GALNT13: variants seen among roughly 807,000 people sequenced by gnomAD.
GALNT13 encodes UDP-GalNAc:polypeptide N-acetylgalactosaminyltransferase 13.
In GALNT13, 28 loss-of-function variants were observed where a neutral mutation model predicts 64.2. The ratio of observed to expected loss-of-function variants is 0.44; its 90% CI spans 0.32 to 0.60. The LOEUF (loss-of-function observed/expected upper bound fraction) is 0.60, where lower values mean the gene tolerates loss of function less well. Among genes scored for constraint, GALNT13 ranks in the 20% least tolerant of loss-of-function variants. The pLI, the probability that GALNT13 is intolerant of heterozygous loss-of-function variation, is 0.05. For synonymous variants in GALNT13, 214 were observed against 224.6 expected (o/e 0.95, Z 0.42); for missense variants, 577 against 669.8 (o/e 0.86, Z 1.53).
chr2:154,017,996 A>G (rs1411883119), intron 3 of GALNT13, among the ~76,000 whole-genome samples: 2 of 152,160 alleles, frequency 1.3e-5, no homozygotes, highest in Non-Finnish European at 2.9e-5. Flanking sequence ...TTATGCCTCC[A>G]AAAGTTTGTT....
At chr2:153,518,837 A>G in the GALNT13 span, among the ~76,000 whole-genome samples, 1 of 152,094 alleles carries the variant, frequency 6.6e-6, no homozygotes, top group Non-Finnish European at 1.5e-5. Context: ...TGGGTTTCAT[A>G]TGAATTGAGA....
chr2:153,591,566 CCAAAA>C, the GALNT13 span, among the ~76,000 whole-genome samples: 1 of 151,988 alleles, frequency 6.6e-6, no homozygotes, highest in Non-Finnish European at 1.5e-5. Flanking sequence ...GCTACAGTAA[CCAAAA>C]CAGCATGGTA....
intron 8 of GALNT13, among the ~76,000 whole-genome samples, chr2:154,263,186 C>T (rs1343325776): frequency 6.6e-6 from 1 of 152,162 alleles, no homozygotes; most frequent in Non-Finnish European, 1.5e-5. Flanking sequence ...GACTGGGATT[C>T]AGATAGCCTG....
chr2:154,401,799 G>C (rs1163303607), intron 10 of GALNT13, among the ~76,000 whole-genome samples: 1 of 152,028 alleles, frequency 6.6e-6, no homozygotes, highest in Non-Finnish European at 1.5e-5. Flanking sequence ...TTACTTTTGG[G>C]GGGAAGGGAT....
chr2:154,251,943 C>T (rs1056903676), intron 7 of GALNT13, among the ~76,000 whole-genome samples: 1 of 151,838 alleles, frequency 6.6e-6, no homozygotes, highest in Non-Finnish European at 1.5e-5. Flanking sequence ...AAAAATCAGA[C>T]GTGAAGATTT....
chr2:154,025,426 C>G (rs1253966816), intron 3 of GALNT13, among the ~76,000 whole-genome samples: 1 of 152,108 alleles, frequency 6.6e-6, no homozygotes, highest in Non-Finnish European at 1.5e-5. Flanking sequence ...TCTGTGCATG[C>G]CAGTACATAC....
At chr2:153,629,669 CT>C in the GALNT13 span, among the ~76,000 whole-genome samples, 51 of 152,078 alleles carry the variant, frequency 3.4e-4, no homozygotes, top group African/African-American at 1.1e-3. Flanking sequence ...AACTAAAGAG[CT>C]TCTGCACAGC....
At chr2:153,683,666 C>T in the GALNT13 span, among the ~76,000 whole-genome samples, 1 of 151,624 alleles carries the variant, frequency 6.6e-6, no homozygotes, top group Non-Finnish European at 1.5e-5. Context: ...TGCCCTTGGA[C>T]TTTTGATGCC....
chr2:153,814,644 C>G, the GALNT13 span, among the ~76,000 whole-genome samples: 1 of 152,054 alleles, frequency 6.6e-6, no homozygotes, highest in Non-Finnish European at 1.5e-5. Flanking sequence ...TTGGAAACAC[C>G]CTACCACATC....
intron 3 of GALNT13, among the ~76,000 whole-genome samples, chr2:154,063,949 T>C (rs1700326716): frequency 6.6e-6 from 1 of 152,176 alleles, no homozygotes; most frequent in Admixed American, 6.5e-5. Context: ...GTACCTGATA[T>C]TAACTTCATG....
chr2:154,381,524 T>C (rs781308505), intron 9 of GALNT13, among the ~76,000 whole-genome samples: 3 of 152,072 alleles, frequency 2.0e-5, no homozygotes, highest in South Asian at 2.1e-4. Flanking sequence ...GGAAAGAAAC[T>C]GTATAGAGGT....
the GALNT13 span, among the ~76,000 whole-genome samples, chr2:153,613,261 C>G: frequency 6.6e-6 from 1 of 152,080 alleles, no homozygotes; most frequent in Non-Finnish European, 1.5e-5. Flanking sequence ...GGCAAGAGAT[C>G]AAAGAGATTT....
At chr2:153,374,419 T>C in the GALNT13 span, among the ~76,000 whole-genome samples, 1 of 152,164 alleles carries the variant, frequency 6.6e-6, no homozygotes, top group East Asian at 1.9e-4. Flanking sequence ...TTTTGTTTAT[T>C]TTTTAAATCA....
the GALNT13 span, among the ~76,000 whole-genome samples, chr2:153,662,724 G>A: frequency 1.3e-5 from 2 of 152,118 alleles, no homozygotes; most frequent in African/African-American, 4.8e-5. Flanking sequence ...TACTTGATAT[G>A]ATTTTTTTTC....
At chr2:154,195,719 A>G (rs1353577036) in intron 4 of GALNT13, among the ~76,000 whole-genome samples, 1 of 152,142 alleles carries the variant, frequency 6.6e-6, no homozygotes, top group Non-Finnish European at 1.5e-5. Flanking sequence ...TTTTGAAAAA[A>G]AAAATATTAG....
At chr2:153,081,741 T>C in the GALNT13 span, among the ~76,000 whole-genome samples, 4 of 152,332 alleles carry the variant, frequency 2.6e-5, no homozygotes, top group South Asian at 4.1e-4. Flanking sequence ...TATGTACATG[T>C]ACCACATTTT....
Position 154,418,746 on chromosome 2 carries a change from C to T in GALNT13, c.1395+9664C>T, listed in dbSNP as rs75567200. Among the ~76,000 whole-genome samples the T allele has an allele frequency of 5.4e-3, 822 of 152,258 alleles. 5 individuals are homozygous for T. Among genetic ancestry groups the T allele is most frequent in the Non-Finnish European group, 9.1e-3 (616 of 68,014 alleles). On this transcript the variant is annotated intron_variant, in intron 11 of 12. Coordinates refer to ENST00000392825, the MANE Select transcript of GALNT13 (RefSeq NM_052917.4). ...AAATTAAGGGCTCACAAAGAAAATT[C>T]TAGAAACAGTATAGCTCAGAGTTCA... is the stretch of plus-strand genomic sequence containing the variant.
intron 1 of GALNT13, among the ~76,000 whole-genome samples, chr2:153,878,837 A>T (rs912571754): frequency 9.9e-5 from 15 of 152,190 alleles, no homozygotes; most frequent in Non-Finnish European, 8.8e-5. Flanking sequence ...GTTGCTTTAG[A>T]TAGTGTCTAT....
the GALNT13 span, among the ~76,000 whole-genome samples, chr2:153,136,258 A>G: frequency 6.6e-6 from 1 of 152,150 alleles, no homozygotes; most frequent in Non-Finnish European, 1.5e-5. Context: ...ACAGGCAGGA[A>G]TCATAAGCCT....
Sources: gnomAD v4.1 joint callset for allele counts (sites outside exome capture counted in the v4.1 genomes callset) on GRCh38, gnomAD v4.1.1 for gene constraint, MANE v1.5 for transcripts, NCBI Gene and HGNC (gene_info 2026-07-23, HGNC 2026-07-21) for gene names.